The following PRELID2 variants were observed in gnomAD, a reference collection of about 807,000 sequenced individuals.
PRELID2 encodes the protein PRELI domain containing 2, also known as PRELI domain-containing protein 2.
Under a neutral mutation model 28.4 loss-of-function variants are expected in PRELID2, and 25 were observed. That is an observed-to-expected ratio of 0.88 (90% CI 0.64 to 1.23). The LOEUF (loss-of-function observed/expected upper bound fraction) is 1.23. PRELID2 is among the 50% of genes most tolerant of loss of function. The probability of loss-of-function intolerance (pLI) is 0.00; values close to 1 mark genes in which losing one functional copy is unlikely to be tolerated. For synonymous variants in PRELID2, 76 were observed against 71.6 expected (o/e 1.06, Z -0.31); for missense variants, 201 against 214.4 (o/e 0.94, Z 0.39).
chr5:145,297,030 G>A, the PRELID2 span, among the ~76,000 whole-genome samples: 1 of 152,054 alleles, frequency 6.6e-6, no homozygotes, highest in East Asian at 1.9e-4. Context: ...CCCACTTTTT[G>A]ATGGGGTTGT....
At chr5:145,281,988 A>T in the PRELID2 span, among the ~76,000 whole-genome samples, 2 of 152,212 alleles carry the variant, frequency 1.3e-5, no homozygotes, top group African/African-American at 4.8e-5. Flanking sequence ...CATAGCAGAA[A>T]TTAAGTGCAA....
chr5:145,464,825 A>T, the PRELID2 span, among the ~76,000 whole-genome samples: 1 of 152,174 alleles, frequency 6.6e-6, no homozygotes, highest in Non-Finnish European at 1.5e-5. Flanking sequence ...TACAGAAGGT[A>T]TGGTTTCCTA....
chr5:145,460,394 T>C, the PRELID2 span, among the ~76,000 whole-genome samples: 1 of 152,206 alleles, frequency 6.6e-6, no homozygotes, highest in African/African-American at 2.4e-5. Flanking sequence ...TATCCTCTAT[T>C]CTATTATCAT....
chr5:145,449,044 G>A, the PRELID2 span, among the ~76,000 whole-genome samples: 1 of 152,144 alleles, frequency 6.6e-6, no homozygotes, highest in African/African-American at 2.4e-5. Context: ...ACCATCTGCT[G>A]CCTGGTGTGT....
the PRELID2 span, among the ~76,000 whole-genome samples, chr5:145,391,625 T>A: frequency 6.6e-6 from 1 of 152,094 alleles, no homozygotes; most frequent in East Asian, 1.9e-4. Context: ...AACATTCAAC[T>A]CCTCATTACT....
chr5:145,508,378 T>C (rs912927000), intron 1 of PRELID2, among the ~76,000 whole-genome samples: 1 of 152,092 alleles, frequency 6.6e-6, no homozygotes, highest in Non-Finnish European at 1.5e-5. Context: ...TATAGTTGTA[T>C]ATGCTTAGAA....
At chr5:145,806,166 CT>C (rs1478760130) in intron 4 of PRELID2, among the ~76,000 whole-genome samples, 3 of 151,968 alleles carry the variant, frequency 2.0e-5, no homozygotes, top group Non-Finnish European at 4.4e-5. Flanking sequence ...ATTATTGTAA[CT>C]TTTCTACTTT....
At chr5:145,627,449 T>C (rs951681070) in intron 1 of PRELID2, among the ~76,000 whole-genome samples, 2 of 152,098 alleles carry the variant, frequency 1.3e-5, no homozygotes, top group African/African-American at 4.8e-5. Context: ...CTATGGAATA[T>C]ATTCACATAA....
the PRELID2 span, among the ~76,000 whole-genome samples, chr5:145,374,618 A>G: frequency 2.0e-5 from 3 of 152,090 alleles, no homozygotes; most frequent in Admixed American, 2.0e-4. Context: ...CAGGTACTCC[A>G]GTCAATCACA....
chr5:145,383,199 C>T, the PRELID2 span, among the ~76,000 whole-genome samples: 1 of 151,554 alleles, frequency 6.6e-6, no homozygotes, highest in Non-Finnish European at 1.5e-5. Context: ...CATCCATATA[C>T]ATGTGTGTAT....
chr5:145,240,095 T>C, the PRELID2 span, among the ~76,000 whole-genome samples: 1 of 152,008 alleles, frequency 6.6e-6, no homozygotes, highest in Non-Finnish European at 1.5e-5. Context: ...CATATGATAA[T>C]TGAATGCATG....
chr5:145,639,498 A>G (rs62392274), intron 1 of PRELID2, among the ~76,000 whole-genome samples: 10,690 of 152,240 alleles, frequency 0.07, 941 homozygotes, highest in African/African-American at 0.21. Context: ...TAAAACATCT[A>G]GCATTGAAAT....
chr5:145,481,322 C>T (rs1403954472), intron 1 of PRELID2, among the ~76,000 whole-genome samples: 1 of 151,722 alleles, frequency 6.6e-6, no homozygotes, highest in Non-Finnish European at 1.5e-5. Context: ...TCCTCTCCTC[C>T]CACAAAAGAG....
At chr5:145,713,294 GGTAA>G (rs1033534878) in intron 1 of PRELID2, among the ~76,000 whole-genome samples, 17 of 146,722 alleles carry the variant, frequency 1.2e-4, no homozygotes, top group Non-Finnish European at 2.1e-4. Context: ...CAGCCAAGGT[GGTAA>G]GTGAGAAGGG....
At chr5:145,238,669 A>C in the PRELID2 span, among the ~76,000 whole-genome samples, 1 of 151,894 alleles carries the variant, frequency 6.6e-6, no homozygotes, top group African/African-American at 2.4e-5. Flanking sequence ...ACATCTGACT[A>C]CTCTGTTACT....
intron 4 of PRELID2, among the ~76,000 whole-genome samples, chr5:145,814,458 C>T (rs34598208): frequency 0.15 from 22,413 of 152,096 alleles, 1,850 homozygotes; most frequent in East Asian, 0.21. Flanking sequence ...GAAAAACTAG[C>T]GGGTGGTTCA....
At chr5:145,809,678 T>C (rs554338591) in intron 4 of PRELID2, among the ~76,000 whole-genome samples, 1 of 152,360 alleles carries the variant, frequency 6.6e-6, no homozygotes, top group East Asian at 1.9e-4. Flanking sequence ...ATTGAGATGC[T>C]GTGCTGAGTG....
At chr5:145,408,451 A>AATATATATGTATAACATATATATGTATT in the PRELID2 span, among the ~76,000 whole-genome samples, 2 of 143,746 alleles carry the variant, frequency 1.4e-5, no homozygotes, top group African/African-American at 5.2e-5. Context: ...ATATATGTAT[A>AATATATATGTATAACATATATATGTATT]ATATATATGT....
At chr5:145,300,921 G>A in the PRELID2 span, among the ~76,000 whole-genome samples, 1 of 151,826 alleles carries the variant, frequency 6.6e-6, no homozygotes, top group African/African-American at 2.4e-5. Flanking sequence ...ACAGAACAAA[G>A]CATATTCAGA....
Sources: allele counts gnomAD v4.1 joint callset (sites outside exome capture counted in the v4.1 genomes callset), GRCh38; gene constraint gnomAD v4.1.1; transcripts MANE v1.5; gene names NCBI Gene and HGNC (gene_info 2026-07-23, HGNC 2026-07-21).